Variants in PLXDC2 observed in about 807,000 individuals in gnomAD.
PLXDC2 encodes the protein plexin domain containing 2.
In PLXDC2, 40 loss-of-function variants were observed where a neutral mutation model predicts 68.9. That is an observed-to-expected ratio of 0.58 (90% CI 0.45 to 0.76). The LOEUF is 0.76. Ranked by LOEUF, PLXDC2 falls within the 30% of genes least tolerant of loss-of-function variation. PLXDC2 has a pLI of 0.00. For synonymous variants in PLXDC2, 243 were observed against 234.2 expected (o/e 1.04, Z -0.34); for missense variants, 644 against 661.9 (o/e 0.97, Z 0.30).
intron 4 of PLXDC2, among the ~76,000 whole-genome samples, chr10:20,104,629 A>G (rs1177060833): frequency 6.6e-6 from 1 of 152,234 alleles, no homozygotes; most frequent in African/African-American, 2.4e-5. Flanking sequence ...AATGTCCTAT[A>G]TATAAATATT....
At chr10:20,111,197 T>C (rs1196866369) in intron 4 of PLXDC2, among the ~76,000 whole-genome samples, 1 of 152,176 alleles carries the variant, frequency 6.6e-6, no homozygotes, top group Non-Finnish European at 1.5e-5. Context: ...TGCAAACCAT[T>C]GTACTCACAA....
At chr10:20,044,135 C>CCTCT (rs1416289903) in intron 2 of PLXDC2, among the ~76,000 whole-genome samples, 8 of 141,244 alleles carry the variant, frequency 5.7e-5, no homozygotes, top group African/African-American at 1.9e-4. Flanking sequence ...TCCCTCCCTC[C>CCTCT]CTCTCTCTCT....
chr10:20,083,237 A>C (rs7085206), intron 4 of PLXDC2, among the ~76,000 whole-genome samples: 15,524 of 152,050 alleles, frequency 0.1, 958 homozygotes, highest in South Asian at 0.3. Flanking sequence ...GCACTTTGGG[A>C]GGCCAAGGCG....
intron 2 of PLXDC2, among the ~76,000 whole-genome samples, chr10:20,030,883 GCC>G (rs1349992587): frequency 6.6e-6 from 1 of 152,164 alleles, no homozygotes; most frequent in African/African-American, 2.4e-5. Flanking sequence ...CTTGAGATCT[GCC>G]GTGAAGAAAT....
intron 1 of PLXDC2, among the ~76,000 whole-genome samples, chr10:19,956,759 A>G (rs1834076116): frequency 6.6e-6 from 1 of 152,204 alleles, no homozygotes; most frequent in East Asian, 1.9e-4. Flanking sequence ...GCTTATATGC[A>G]TGTCTTACAT....
intron 3 of PLXDC2, among the ~76,000 whole-genome samples, chr10:20,053,478 A>G (rs1835939719): frequency 6.6e-6 from 1 of 152,244 alleles, no homozygotes. Flanking sequence ...AGAGCCACAC[A>G]GTTTTCAGTT....
At chr10:20,048,602 G>A (rs1220712627) in intron 3 of PLXDC2, among the ~76,000 whole-genome samples, 3 of 152,140 alleles carry the variant, frequency 2.0e-5, no homozygotes, top group Non-Finnish European at 2.9e-5. Flanking sequence ...GAATGTTGGT[G>A]TATGCACATG....
chr10:19,858,902 T>A (rs1837265874), intron 1 of PLXDC2, among the ~76,000 whole-genome samples: 1 of 152,080 alleles, frequency 6.6e-6, no homozygotes, highest in African/African-American at 2.4e-5. Context: ...TGGTTCATGA[T>A]TCTGCAGGCT....
At chr10:19,906,543 C>T (rs1193214895) in intron 1 of PLXDC2, among the ~76,000 whole-genome samples, 2 of 152,062 alleles carry the variant, frequency 1.3e-5, no homozygotes, top group African/African-American at 4.8e-5. Flanking sequence ...GAGATTAGGG[C>T]AGGTGGACAG....
At chr10:20,162,327 T>A (rs1834311169) in intron 6 of PLXDC2, among the ~76,000 whole-genome samples, 1 of 152,128 alleles carries the variant, frequency 6.6e-6, no homozygotes, top group African/African-American at 2.4e-5. Flanking sequence ...ATTTTCCAGT[T>A]GATAGCAGTA....
At chr10:20,017,758 G>T (rs541691249) in intron 2 of PLXDC2, among the ~76,000 whole-genome samples, 1 of 152,258 alleles carries the variant, frequency 6.6e-6, no homozygotes, top group Non-Finnish European at 1.5e-5. Flanking sequence ...TTTCATTCTC[G>T]TATTTAAAGA....
intron 4 of PLXDC2, among the ~76,000 whole-genome samples, chr10:20,104,217 CAG>C (rs1223968071): frequency 3.3e-4 from 51 of 152,290 alleles, no homozygotes; most frequent in African/African-American, 1.2e-3. Flanking sequence ...AGATTACTGA[CAG>C]AGAATGTAAG....
Position 20,035,147 on chromosome 10 carries a change from G to A in PLXDC2, c.325-11722G>A, listed in dbSNP as rs985505005. Among the ~76,000 whole-genome samples, 13 of 151,954 alleles carry A rather than the reference G, an allele frequency of 8.6e-5. No homozygotes were observed. The East Asian group carries it at 9.6e-4, about 11-fold the overall frequency. ...TTTGTAATCTTGAAAATAGAGGCTC[G>A]GAAAGTTATCTTTATTTGCAAAATG... On this transcript the variant is annotated intron_variant, in intron 2 of 13. Coordinates refer to ENST00000377252, the MANE Select transcript of PLXDC2 (RefSeq NM_032812.9).
intron 1 of PLXDC2, among the ~76,000 whole-genome samples, chr10:19,855,110 G>T (rs1837188601): frequency 6.6e-6 from 1 of 152,152 alleles, no homozygotes; most frequent in African/African-American, 2.4e-5. Context: ...GCCTAGAATT[G>T]TGCCTGGTTC....
At chr10:19,962,059 T>C (rs1834162374) in intron 1 of PLXDC2, among the ~76,000 whole-genome samples, 1 of 152,190 alleles carries the variant, frequency 6.6e-6, no homozygotes, top group Non-Finnish European at 1.5e-5. Context: ...ACGATATTTA[T>C]TTGTGTTTCA....
chr10:20,240,061 T>G (rs1217866284), intron 12 of PLXDC2, among the ~76,000 whole-genome samples: 1 of 152,220 alleles, frequency 6.6e-6, no homozygotes, highest in Non-Finnish European at 1.5e-5. Context: ...AGGTAGTTTT[T>G]TAATCCTCAC....
intron 1 of PLXDC2, among the ~76,000 whole-genome samples, chr10:19,922,149 G>A (rs1159931769): frequency 1.3e-5 from 2 of 152,168 alleles, no homozygotes; most frequent in East Asian, 1.9e-4. Context: ...GTGAGCCACC[G>A]TTCTCAGCCA....
At chr10:20,057,656 ACT>A (rs2131695754) in intron 3 of PLXDC2, among the ~76,000 whole-genome samples, 1 of 151,958 alleles carries the variant, frequency 6.6e-6, no homozygotes, top group South Asian at 2.1e-4. Context: ...CCTATTAGAC[ACT>A]CTCTATTAAT....
intron 1 of PLXDC2, among the ~76,000 whole-genome samples, chr10:19,826,681 G>T (rs1479105562): frequency 1.3e-5 from 2 of 152,130 alleles, no homozygotes; most frequent in Non-Finnish European, 2.9e-5. Flanking sequence ...CTTGTATAAT[G>T]TACAGTTGTA....
Sources: gnomAD v4.1 joint callset for allele counts (sites outside exome capture counted in the v4.1 genomes callset) on GRCh38, gnomAD v4.1.1 for gene constraint, MANE v1.5 for transcripts, NCBI Gene and HGNC (gene_info 2026-07-23, HGNC 2026-07-21) for gene names.